ADARB2: variants seen among roughly 807,000 people sequenced by gnomAD.
ADARB2 encodes inactive double-stranded RNA-specific editase B2.
A neutral mutation model predicts 62.2 loss-of-function variants in ADARB2; 25 were observed. That is an observed-to-expected ratio of 0.40 (90% CI 0.29 to 0.56). ADARB2 has a LOEUF of 0.56. ADARB2 is among the 20% of genes least tolerant of loss of function. The pLI, the probability that ADARB2 is intolerant of heterozygous loss-of-function variation, is 0.43. For missense variants in ADARB2, 1,071 were observed against 1,077.4 expected, an observed-to-expected ratio of 0.99 and a Z score of 0.08; for synonymous variants, 572 against 500.8, an observed-to-expected ratio of 1.14 and a Z score of -1.90.
chr10:1,668,530 G>T (rs1349616906), intron 1 of ADARB2, among the ~76,000 whole-genome samples: 1 of 152,172 alleles, frequency 6.6e-6, no homozygotes, highest in African/African-American at 2.4e-5. Flanking sequence ...CCAATTAGAA[G>T]CAGTGGTGGG....
chr10:1,592,363 C>A (rs1707342984), intron 1 of ADARB2, among the ~76,000 whole-genome samples: 1 of 126,132 alleles, frequency 7.9e-6, no homozygotes, highest in African/African-American at 3.0e-5. Flanking sequence ...CTGGCATGGT[C>A]CCCTCTGTCA....
intron 1 of ADARB2, among the ~76,000 whole-genome samples, chr10:1,447,091 C>T (rs1433837296): frequency 1.3e-5 from 2 of 152,206 alleles, no homozygotes; most frequent in East Asian, 1.9e-4. Context: ...ACTTTATATG[C>T]CAGATTTACT....
intron 4 of ADARB2, among the ~76,000 whole-genome samples, chr10:1,245,308 T>C (rs891112545): frequency 2.6e-5 from 4 of 152,176 alleles, no homozygotes; most frequent in Admixed American, 2.0e-4. Context: ...GGAAGATTTT[T>C]ATTTATTTAC....
intron 6 of ADARB2, among the ~76,000 whole-genome samples, chr10:1,219,045 G>A (rs1360548102): frequency 1.4e-4 from 11 of 79,788 alleles, no homozygotes; most frequent in East Asian, 6.5e-4. Context: ...GCAAGACTAC[G>A]TCTCAAAAAA....
At chr10:1,196,597 G>GA (rs1330681067) in intron 8 of ADARB2, among the ~76,000 whole-genome samples, 3 of 151,998 alleles carry the variant, frequency 2.0e-5, no homozygotes, top group Non-Finnish European at 4.4e-5. Flanking sequence ...GGATTCTCCA[G>GA]AAAATGAAAA....
chr10:1,519,107 T>A (rs1289583082), intron 1 of ADARB2, among the ~76,000 whole-genome samples: 2 of 151,848 alleles, frequency 1.3e-5, no homozygotes, highest in Non-Finnish European at 2.9e-5. Context: ...CACGGTGTGG[T>A]CATACGCATT....
intron 1 of ADARB2, among the ~76,000 whole-genome samples, chr10:1,568,351 C>T (rs564974669): frequency 2.0e-5 from 3 of 152,136 alleles, no homozygotes; most frequent in East Asian, 1.9e-4. Context: ...AAAGCAGCAC[C>T]GATGGTCCAG....
intron 1 of ADARB2, among the ~76,000 whole-genome samples, chr10:1,543,019 T>A (rs1832459743): frequency 6.6e-6 from 1 of 152,260 alleles, no homozygotes; most frequent in Non-Finnish European, 1.5e-5. Flanking sequence ...GTTTTTCCAC[T>A]TGCAGCTCCG....
chr10:1,209,534 C>CTCGCCCACACCCATGCCA (rs796268892), intron 7 of ADARB2, among the ~76,000 whole-genome samples: 2 of 137,106 alleles, frequency 1.5e-5, no homozygotes, highest in Admixed American at 7.6e-5. Flanking sequence ...CACCTACAGC[C>CTCGCCCACACCCATGCCA]TCGCCCACAC....
chr10:1,196,552 A>G (rs1836914562), intron 8 of ADARB2, among the ~76,000 whole-genome samples: 1 of 152,178 alleles, frequency 6.6e-6, no homozygotes, highest in African/African-American at 2.4e-5. Flanking sequence ...TGGAAATTAA[A>G]TGAAAATTAA....
chr10:1,207,422 T>C (rs193056146), intron 7 of ADARB2, among the ~76,000 whole-genome samples: 239 of 152,248 alleles, frequency 1.6e-3, no homozygotes, highest in Non-Finnish European at 2.7e-3. Flanking sequence ...GGTTCGGTGT[T>C]TAAAAGCAGT....
chr10:1,248,440 T>C (rs1169576124), intron 4 of ADARB2, among the ~76,000 whole-genome samples: 2 of 152,014 alleles, frequency 1.3e-5, no homozygotes, highest in African/African-American at 4.8e-5. Context: ...AACAGGAAGC[T>C]CTGGAGTGTG....
chr10:1,579,738 AT>A (rs1833070269), intron 1 of ADARB2, among the ~76,000 whole-genome samples: 1 of 152,244 alleles, frequency 6.6e-6, no homozygotes, highest in Non-Finnish European at 1.5e-5. Context: ...CAGAAGGCGA[AT>A]TCCTTGGCCC....
chr10:1,352,176 A>C (rs1422558084), intron 3 of ADARB2, among the ~76,000 whole-genome samples: 1 of 151,922 alleles, frequency 6.6e-6, no homozygotes, highest in African/African-American at 2.4e-5. Context: ...CATAATTCTC[A>C]TAAAAACACA....
At chr10:1,297,271 C>T (rs533960906) in intron 3 of ADARB2, among the ~76,000 whole-genome samples, 10 of 152,202 alleles carry the variant, frequency 6.6e-5, no homozygotes, top group South Asian at 2.1e-4. Context: ...TGGAGGGAGG[C>T]GTAGCCCCCG....
chr10:1,396,854 A>G (rs12218202), intron 1 of ADARB2, among the ~76,000 whole-genome samples: 19 of 57,576 alleles, frequency 3.3e-4, no homozygotes, highest in Admixed American at 6.2e-4. Context: ...CTGGGTCACC[A>G]TCAGCCTCTC....
At chr10:1,490,708 G>A (rs1337629743) in intron 1 of ADARB2, among the ~76,000 whole-genome samples, 1 of 152,104 alleles carries the variant, frequency 6.6e-6, no homozygotes, top group African/African-American at 2.4e-5. Context: ...GCTCTCTTTG[G>A]CTTCCCAAAG....
chr10:1,571,236 T>C (rs1357948741), intron 1 of ADARB2, among the ~76,000 whole-genome samples: 2 of 152,066 alleles, frequency 1.3e-5, no homozygotes, highest in Admixed American at 6.6e-5. Context: ...AGAGCAAAAC[T>C]GGGATCATAC....
chr10:1,614,584 T>C (rs1833606904), intron 1 of ADARB2, among the ~76,000 whole-genome samples: 2 of 152,232 alleles, frequency 1.3e-5, no homozygotes, highest in Non-Finnish European at 2.9e-5. Flanking sequence ...AGAGGGTGTG[T>C]CTGTTTCAGG....
Sources: allele counts gnomAD v4.1 joint callset (sites outside exome capture counted in the v4.1 genomes callset), GRCh38; gene constraint gnomAD v4.1.1; transcripts MANE v1.5; gene names NCBI Gene and HGNC (gene_info 2026-07-23, HGNC 2026-07-21).